Variants in MAPT observed in about 807,000 individuals in gnomAD.
The protein encoded by MAPT is microtubule associated protein tau, also known as microtubule-associated protein tau.
Under a neutral mutation model 67.9 loss-of-function variants are expected in MAPT, and 34 were observed. That is an observed-to-expected ratio of 0.50 (90% CI 0.38 to 0.67). MAPT has a LOEUF of 0.67. Among genes scored for constraint, MAPT ranks in the 30% least tolerant of loss-of-function variants. The pLI is 0.00. For missense variants in MAPT, 881 were observed against 1,115.2 expected, an observed-to-expected ratio of 0.79 and a Z score of 2.99; for synonymous variants, 456 against 464.5, an observed-to-expected ratio of 0.98 and a Z score of 0.23.
intron 10 of MAPT, among the ~76,000 whole-genome samples, chr17:46,013,698 T>C (rs1447176233): frequency 2.0e-5 from 3 of 152,202 alleles, no homozygotes; most frequent in African/African-American, 7.2e-5. Flanking sequence ...CCAGGGTCCG[T>C]GGAAGCTTTT....
intron 4 of MAPT, chr17:45,979,723 G>A (rs1402556911): frequency 1.3e-5 from 2 of 152,210 alleles, no homozygotes; most frequent in African/African-American, 4.8e-5. Flanking sequence ...TAGAGGCTTT[G>A]ATAAAGCATG....
intron 1 of MAPT, among the ~76,000 whole-genome samples, chr17:45,900,774 G>A (rs1277936945): frequency 6.6e-6 from 1 of 152,174 alleles, no homozygotes; most frequent in Non-Finnish European, 1.5e-5. Context: ...CCTGCTCACT[G>A]TGAGACCTAA....
intron 12 of MAPT, among the ~76,000 whole-genome samples, chr17:46,022,893 T>C (rs1391768243): frequency 1.3e-5 from 2 of 151,648 alleles, no homozygotes; most frequent in Non-Finnish European, 2.9e-5. Flanking sequence ...GATAGGTAGA[T>C]GATTGATAGA....
chr17:45,996,700 G>A lies in MAPT; in HGVS notation c.1998+36G>A. On this transcript the variant is annotated intron_variant, in intron 9 of 12. Transcript: ENST00000262410. This position sits in a 1 kb window ranked among gnomAD's most constrained non-coding sequence, Gnocchi z 4.5. ...CTGGCTGCGCGTGGAGGTGTGGGGG[G>A]CTGCGCCTGGAGGGGTAGGGCTGTG... The A allele has an allele frequency of 1.9e-6, 3 of 1,609,764 alleles. No homozygotes were observed. Among genetic ancestry groups the A allele is most frequent in the East Asian group, 2.2e-5 (1 of 44,776 alleles).
intron 1 of MAPT, chr17:45,898,920 A>T (rs2063446324): frequency 6.6e-6 from 1 of 152,174 alleles, no homozygotes. Flanking sequence ...CACTTTCCTC[A>T]TCACCGTGTT....
At chr17:45,970,845 C>G (rs556836408) in intron 2 of MAPT, among the ~76,000 whole-genome samples, 1 of 152,354 alleles carries the variant, frequency 6.6e-6, no homozygotes, top group Non-Finnish European at 1.5e-5. Context: ...TGGGCCTGCC[C>G]TGGAGTCTTT....
At chr17:46,016,696 G>T (rs866513861) in intron 11 of MAPT, among the ~76,000 whole-genome samples, 24 of 152,084 alleles carry the variant, frequency 1.6e-4, no homozygotes, top group South Asian at 4.1e-4. Context: ...GCATGAACCT[G>T]GGAGGCGGAG....
At position 46,008,199 on chromosome 17, in the gene MAPT, C is replaced by T. The variant is rs143420481; in HGVS notation, c.1999-2111C>T. Among the ~76,000 whole-genome samples the T allele has an allele frequency of 1.4e-3, 208 of 152,318 alleles. 2 individuals are homozygous for T. The highest frequency in any genetic ancestry group is 4.8e-3 in the African/African-American group (201 of 41,574). ...GCAACCTCCATCTCCCGGGTTCAAG[C>T]TATTCTCCTTCCTCAACCTCCCGAG... is the stretch of plus-strand genomic sequence containing the variant. On this transcript the variant is annotated intron_variant, in intron 9 of 12. Coordinates refer to ENST00000262410, the MANE Select transcript of MAPT (RefSeq NM_001377265.1).
intron 1 of MAPT, among the ~76,000 whole-genome samples, chr17:45,919,011 A>C (rs183149220): frequency 6.6e-6 from 1 of 151,754 alleles, no homozygotes; most frequent in South Asian, 2.1e-4. Context: ...GCAGTGAGCC[A>C]AGATCGCCCC....
At chr17:45,909,592 C>T (rs2064598996) in intron 1 of MAPT, among the ~76,000 whole-genome samples, 1 of 152,036 alleles carries the variant, frequency 6.6e-6, no homozygotes. Context: ...AATAATTAGG[C>T]TGGGTGTGGT....
chr17:45,913,410 C>T (rs1306606915), intron 1 of MAPT, among the ~76,000 whole-genome samples: 1 of 152,214 alleles, frequency 6.6e-6, no homozygotes, highest in East Asian at 1.9e-4. Context: ...AGATTTGTTA[C>T]CATATCAGTT....
intron 1 of MAPT, among the ~76,000 whole-genome samples, chr17:45,908,744 C>G (rs1379956618): frequency 6.6e-6 from 1 of 152,198 alleles, no homozygotes; most frequent in Admixed American, 6.5e-5. Flanking sequence ...CAGCCACCCT[C>G]CCTCTAACTA....
chr17:45,961,778 T>TG (rs1555697242), intron 1 of MAPT, among the ~76,000 whole-genome samples: 2 of 151,224 alleles, frequency 1.3e-5, no homozygotes, highest in Non-Finnish European at 3.0e-5. Context: ...TTGTTTTGTT[T>TG]TTTTTTTTTT....
Position 45,995,225 on chromosome 17 carries a change from A to C in MAPT, c.1733-1174A>C, listed in dbSNP as rs889353508. Reference sequence around the variant, plus strand: ...GCAGCGGCAGGGGCATTGCTGCGGGAAGCTTCTGGACTTGCAGGAAAGCTA... The same window carrying C: ...GCAGCGGCAGGGGCATTGCTGCGGGCAGCTTCTGGACTTGCAGGAAAGCTA... On this transcript the variant is annotated intron_variant, in intron 8 of 12. Coordinates refer to ENST00000262410, the MANE Select transcript of MAPT (RefSeq NM_001377265.1). The surrounding 1 kb of genome is among the most constrained non-coding windows in gnomAD (Gnocchi z 4.3). Among the ~76,000 whole-genome samples the C allele has an allele frequency of 2.6e-5, 4 of 152,256 alleles. No individual in the cohort carries two copies. In the South Asian group the frequency reaches 8.3e-4, roughly 32 times the overall value.
At chr17:45,927,638 CA>C (rs1266933983) in intron 1 of MAPT, among the ~76,000 whole-genome samples, 14 of 152,206 alleles carry the variant, frequency 9.2e-5, no homozygotes, top group African/African-American at 3.1e-4. Context: ...CTCTTTACAA[CA>C]AAACAAAACA....
intron 1 of MAPT, among the ~76,000 whole-genome samples, chr17:45,942,739 G>A (rs1230386445): frequency 2.6e-5 from 4 of 152,212 alleles, no homozygotes; most frequent in Non-Finnish European, 5.9e-5. Flanking sequence ...TAAATTAATG[G>A]ATAAAGTTTT....
At chr17:46,016,773 A>C (rs2146121362) in intron 11 of MAPT, among the ~76,000 whole-genome samples, 1 of 152,124 alleles carries the variant, frequency 6.6e-6, no homozygotes, top group African/African-American at 2.4e-5. Context: ...TCAGCAAAAA[A>C]AGAAAGAAAG....
At chr17:45,985,823 G>C in intron 5 of MAPT, 1 of 588,712 alleles carries the variant, frequency 1.7e-6, no homozygotes, top group African/African-American at 2.0e-5. Context: ...CCAGTTGTGG[G>C]GTAAGCCTGG....
intron 3 of MAPT, chr17:45,975,973 C>T (rs1327363091): frequency 6.6e-6 from 1 of 152,286 alleles, no homozygotes; most frequent in Non-Finnish European, 1.5e-5. Flanking sequence ...CTCCAGCTAT[C>T]CTCCCCTGAA....
Sources: gnomAD v4.1 joint callset for allele counts (sites outside exome capture counted in the v4.1 genomes callset) on GRCh38, gnomAD v4.1.1 for gene constraint, Gnocchi (gnomAD v3.1) non-coding constraint, MANE v1.5 for transcripts, NCBI Gene and HGNC (gene_info 2026-07-23, HGNC 2026-07-21) for gene names.